Variants in PTPRQ observed in about 807,000 individuals in gnomAD.
PTPRQ encodes phosphatidylinositol phosphatase PTPRQ.
Under a neutral mutation model 246.0 loss-of-function variants are expected in PTPRQ, and 199 were observed. The ratio of observed to expected loss-of-function variants is 0.81; its 90% CI spans 0.72 to 0.91. The LOEUF (loss-of-function observed/expected upper bound fraction) is 0.91, where lower values mean the gene tolerates loss of function less well. PTPRQ is among the 40% of genes least tolerant of loss of function. The pLI, the probability that PTPRQ is intolerant of heterozygous loss-of-function variation, is 0.00. For synonymous variants in PTPRQ, 869 were observed against 853.2 expected, an observed-to-expected ratio of 1.02 and a Z score of -0.32; for missense variants, 2,624 against 2,528.4, an observed-to-expected ratio of 1.04 and a Z score of -0.81.
rs1361214809 is a variant in PTPRQ at position 80,514,741 on chromosome 12, A to G, written c.2678+4298A>G. 7.5e-5 allele frequency among the ~76,000 whole-genome samples: 11 copies of G among 146,078 alleles called. No individual in the cohort carries two copies. In the East Asian group the frequency reaches 2.2e-3, roughly 29 times the overall value. On this transcript the variant is annotated intron_variant, in intron 17 of 44. Transcript: ENST00000644991. ...TATATATTATATATGATTATATTAC[A>G]TTAGGTATTATATAATTATTACATA...
In PTPRQ at chr12:80,470,637, G is replaced by T. The variant is rs1452164097; in HGVS notation, c.1040-1468G>T. Among the ~76,000 whole-genome samples the T allele has an allele frequency of 2.0e-5, 3 of 152,268 alleles. No homozygotes were observed. The East Asian group carries it at 5.8e-4, about 29-fold the overall frequency. Reference sequence around the variant, plus strand: ...ATGAGCTGCCTTCAACAACAGAAGGGCGAGGGAATTGGAGGCCTGTGTAAG... The same window carrying T: ...ATGAGCTGCCTTCAACAACAGAAGGTCGAGGGAATTGGAGGCCTGTGTAAG... On this transcript the variant is annotated intron_variant, in intron 7 of 44. Transcript: ENST00000644991.
intron 39 of PTPRQ, among the ~76,000 whole-genome samples, chr12:80,659,705 A>G (rs531083152): frequency 6.6e-6 from 1 of 152,210 alleles, no homozygotes; most frequent in African/African-American, 2.4e-5. Context: ...ATAACGTGGT[A>G]TGAGCAATAA....
At chr12:80,535,968 G>A (rs1230062553) in intron 19 of PTPRQ, among the ~76,000 whole-genome samples, 2 of 152,098 alleles carry the variant, frequency 1.3e-5, no homozygotes, top group African/African-American at 4.8e-5. Context: ...TTAGCCAGGC[G>A]TCGTGGCAGG....
intron 42 of PTPRQ, 82 bp downstream of exon 42, chr12:80,670,574 T>C (rs1900938975): frequency 2.1e-6 from 3 of 1,396,106 alleles, no homozygotes; most frequent in East Asian, 5.5e-5. Flanking sequence ...TTATAAAATG[T>C]TCATGTAAAT....
intron 17 of PTPRQ, among the ~76,000 whole-genome samples, chr12:80,526,762 T>C (rs1385957653): frequency 6.6e-6 from 1 of 152,150 alleles, no homozygotes; most frequent in Non-Finnish European, 1.5e-5. Context: ...TGGTTACATT[T>C]AAGAGTCCTA....
At chr12:80,575,073 G>A (rs908968499) in intron 25 of PTPRQ, among the ~76,000 whole-genome samples, 2 of 152,114 alleles carry the variant, frequency 1.3e-5, no homozygotes, top group African/African-American at 2.4e-5. Context: ...AGTTCCTCAA[G>A]TTGGAATATT....
chr12:80,531,832 CTTAA>C (rs976078383), intron 17 of PTPRQ, among the ~76,000 whole-genome samples: 4 of 152,052 alleles, frequency 2.6e-5, no homozygotes, highest in African/African-American at 7.2e-5. Context: ...ATTTTTTTAG[CTTAA>C]TTTTGTCTCT....
intron 17 of PTPRQ, among the ~76,000 whole-genome samples, chr12:80,530,639 A>G (rs1052415999): frequency 6.6e-6 from 1 of 152,234 alleles, no homozygotes; most frequent in East Asian, 1.9e-4. Flanking sequence ...TGACGAACAA[A>G]CATGTAAGAA....
intron 25 of PTPRQ, among the ~76,000 whole-genome samples, chr12:80,578,482 C>T (rs546525496): frequency 1.2e-3 from 176 of 152,152 alleles, no homozygotes; most frequent in South Asian, 7.1e-3. Context: ...GCTCCGCCTC[C>T]CGGGTTCATG....
Position 80,542,849 on chromosome 12 carries a change from C to T in PTPRQ, c.3841C>T (p.His1281Tyr), listed in dbSNP as rs1471907119. 1.3e-6 allele frequency: 2 copies of T among 1,536,048 alleles called. No homozygotes were observed. Among genetic ancestry groups the T allele is most frequent in the South Asian group, 1.2e-5 (1 of 80,486 alleles). Residue 1281 changes from histidine (H) to tyrosine (Y), a missense_variant, in exon 23 of 45, where the codon CAT (histidine) becomes TAT (tyrosine). Physicochemically the swap from His to Tyr is moderately conservative, Grantham distance 83. Coordinates refer to ENST00000644991, the MANE Select transcript of PTPRQ (RefSeq NM_001145026.2). ...GIVKVYSFKI[H>Y]EHETDTIYYK... ...TGTTAAAGTATATAGTTTTAAAATTCATGAACATGAAACTGACACTATATA... is the reference window on the plus strand; with the variant it reads ...TGTTAAAGTATATAGTTTTAAAATTTATGAACATGAAACTGACACTATATA...
chr12:80,670,761 G>T (rs1900944514), intron 42 of PTPRQ, among the ~76,000 whole-genome samples: 1 of 152,042 alleles, frequency 6.6e-6, no homozygotes, highest in South Asian at 2.1e-4. Context: ...GAGATACTCA[G>T]AATAGGTAAA....
At chr12:80,643,816 A>G (rs965856717) in intron 35 of PTPRQ, among the ~76,000 whole-genome samples, 2 of 152,240 alleles carry the variant, frequency 1.3e-5, no homozygotes, top group African/African-American at 4.8e-5. Context: ...AGTATCATAC[A>G]AAACTTGGAA....
intron 9 of PTPRQ, among the ~76,000 whole-genome samples, chr12:80,486,027 C>G (rs1036987702): frequency 9.2e-5 from 14 of 152,088 alleles, no homozygotes; most frequent in Non-Finnish European, 1.5e-5. Flanking sequence ...GACTGTAAAC[C>G]AGGTTTAAAC....
chr12:80,472,975 T>C (rs1482553965), intron 8 of PTPRQ, among the ~76,000 whole-genome samples: 1 of 151,952 alleles, frequency 6.6e-6, no homozygotes, highest in Non-Finnish European at 1.5e-5. Context: ...ACTTTGTTTG[T>C]GTGGAAGCTA....
rs75842148 is a variant in PTPRQ, at chr12:80,623,680, G to A, written c.5686+1546G>A. Among the ~76,000 whole-genome samples the A allele has an allele frequency of 6.3e-3, 956 of 152,250 alleles. 11 individuals are homozygous for A. The highest frequency in any genetic ancestry group is 0.022 in the African/African-American group (920 of 41,556). On this transcript the variant is annotated intron_variant, in intron 33 of 44. Coordinates refer to ENST00000644991, the MANE Select transcript of PTPRQ (RefSeq NM_001145026.2). The stretch of plus-strand genomic sequence containing the variant: ...TCTTAGGAGATAATATTTTATAGGA[G>A]CAGTGCTGAAAGGAGCTAGCCTTGC...
chr12:80,649,008 C>CT (rs1900167979), intron 36 of PTPRQ, 85 bp downstream of exon 36: 4 of 1,295,508 alleles, frequency 3.1e-6, no homozygotes, highest in East Asian at 6.1e-5. Context: ...GTGTGATTCA[C>CT]TTTTTGTATG....
At chr12:80,640,196 C>T (rs1194813925) in intron 35 of PTPRQ, among the ~76,000 whole-genome samples, 1 of 152,078 alleles carries the variant, frequency 6.6e-6, no homozygotes, top group Non-Finnish European at 1.5e-5. Flanking sequence ...CTTTGGATTT[C>T]TTTGTTGTCT....
chr12:80,666,421 T>C (rs1339984523), intron 39 of PTPRQ, among the ~76,000 whole-genome samples: 1 of 151,460 alleles, frequency 6.6e-6, no homozygotes, highest in East Asian at 1.9e-4. Flanking sequence ...GGGGAAGAGG[T>C]GAGAGTAAGA....
At chr12:80,543,215 C>A (rs765895076) in intron 23 of PTPRQ, among the ~76,000 whole-genome samples, 1 of 152,070 alleles carries the variant, frequency 6.6e-6, no homozygotes, top group South Asian at 2.1e-4. Context: ...CTATTGTTAA[C>A]AGCAGCACCA....
Sources: gnomAD v4.1 joint callset for allele counts (sites outside exome capture counted in the v4.1 genomes callset) on GRCh38, gnomAD v4.1.1 for gene constraint, MANE v1.5 for transcripts, NCBI Gene and HGNC (gene_info 2026-07-23, HGNC 2026-07-21) for gene names.